COG6: variants seen among roughly 807,000 people sequenced by gnomAD.
COG6 encodes component of oligomeric golgi complex 6, also known as conserved oligomeric Golgi complex subunit 6.
Under a neutral mutation model 88.8 loss-of-function variants are expected in COG6, and 74 were observed. That is an observed-to-expected ratio of 0.83 (90% CI 0.69 to 1.01). The LOEUF is 1.01. Among genes scored for constraint, COG6 ranks in the 50% least tolerant of loss-of-function variants. COG6 has a pLI of 0.00. For missense variants in COG6, 800 were observed against 797.9 expected, an observed-to-expected ratio of 1.00 and a Z score of -0.03; for synonymous variants, 286 against 278.7, an observed-to-expected ratio of 1.03 and a Z score of -0.26.
intron 13 of COG6, among the ~76,000 whole-genome samples, chr13:39,715,472 C>T (rs1878479315): frequency 1.3e-5 from 2 of 151,944 alleles, no homozygotes; most frequent in Non-Finnish European, 2.9e-5. Flanking sequence ...GGAACTGACA[C>T]ATAACGTGTT....
rs528893827 is a variant in COG6, at chr13:39,671,015, A to G, written c.428+5861A>G. Among the ~76,000 whole-genome samples, 4 of 152,124 alleles carry G rather than the reference A, an allele frequency of 2.6e-5. No homozygotes were observed. The South Asian group carries it at 6.2e-4, about 24-fold the overall frequency. ...AAAGGTTAGGGGAAAACAGGGGAGC[A>G]TCACATCTCCTTTCTTCTTTCTTCT... On this transcript the variant is annotated intron_variant, in intron 4 of 18. Coordinates refer to ENST00000455146, the MANE Select transcript of COG6 (RefSeq NM_020751.3).
chr13:39,722,528 A>G (rs891230403), intron 15 of COG6, among the ~76,000 whole-genome samples: 3 of 150,940 alleles, frequency 2.0e-5, no homozygotes, highest in Non-Finnish European at 4.4e-5. Context: ...ACAGTGTACT[A>G]TGTCATTAGC....
At chr13:39,748,086 T>TA (rs1429507510) in intron 18 of COG6, among the ~76,000 whole-genome samples, 3 of 152,342 alleles carry the variant, frequency 2.0e-5, no homozygotes, top group African/African-American at 4.8e-5. Flanking sequence ...ATGAATGCTT[T>TA]ACACACTTCT....
chr13:39,779,560 G>C (rs927460457), intron 18 of COG6, among the ~76,000 whole-genome samples: 4 of 152,188 alleles, frequency 2.6e-5, no homozygotes, highest in African/African-American at 4.8e-5. Context: ...TGACTTCTCA[G>C]GTTCAACATC....
intron 4 of COG6, 52 bp from the exon 5 acceptor site, chr13:39,677,416 T>C: frequency 1.0e-6 from 1 of 977,188 alleles, no homozygotes; most frequent in Non-Finnish European, 1.7e-6. Flanking sequence ...GTTTTAAAGC[T>C]ATGCAACTGT....
intron 11 of COG6, among the ~76,000 whole-genome samples, chr13:39,690,032 A>G (rs1275982216): frequency 2.0e-5 from 3 of 151,926 alleles, no homozygotes; most frequent in African/African-American, 7.2e-5. Flanking sequence ...TGTAGTTTGC[A>G]TATATTGACC....
At chr13:39,776,139 A>T (rs950752813) in intron 18 of COG6, among the ~76,000 whole-genome samples, 1 of 152,216 alleles carries the variant, frequency 6.6e-6, no homozygotes, top group Non-Finnish European at 1.5e-5. Flanking sequence ...TTAAAAGATA[A>T]AGAAAACAAC....
chr13:39,685,557 C>T (rs757740616), intron 8 of COG6, among the ~76,000 whole-genome samples: 10 of 152,056 alleles, frequency 6.6e-5, no homozygotes, highest in Non-Finnish European at 1.2e-4. Flanking sequence ...GTGGACAGTC[C>T]TAGAAACAAA....
intron 18 of COG6, among the ~76,000 whole-genome samples, chr13:39,778,286 G>A (rs185956244): frequency 6.6e-5 from 10 of 152,312 alleles, no homozygotes; most frequent in African/African-American, 2.2e-4. Flanking sequence ...GAAGTAATGT[G>A]TAATGGAAAG....
intron 18 of COG6, among the ~76,000 whole-genome samples, chr13:39,741,177 G>C (rs779495868): frequency 6.6e-6 from 1 of 151,968 alleles, no homozygotes; most frequent in Non-Finnish European, 1.5e-5. Context: ...TCTCCATTTA[G>C]TTACATATCT....
chr13:39,663,277 A>G (rs576640961), intron 3 of COG6, among the ~76,000 whole-genome samples: 1 of 152,276 alleles, frequency 6.6e-6, no homozygotes, highest in South Asian at 2.1e-4. Flanking sequence ...CTTATTATAT[A>G]ACATTGTGCT....
downstream of COG6, among the ~76,000 whole-genome samples, chr13:39,754,808 G>A (rs1380465438): frequency 6.6e-6 from 1 of 152,116 alleles, no homozygotes; most frequent in Non-Finnish European, 1.5e-5. Context: ...TACATGTATT[G>A]TAAATAAACA....
At chr13:39,759,678 A>G (rs1315050297) in intron 18 of COG6, among the ~76,000 whole-genome samples, 4 of 152,178 alleles carry the variant, frequency 2.6e-5, no homozygotes, top group Non-Finnish European at 5.9e-5. Context: ...GCAGGTCCAA[A>G]TATGAAATTT....
At chr13:39,681,571 G>A (rs2137991568) in intron 7 of COG6, among the ~76,000 whole-genome samples, 1 of 152,310 alleles carries the variant, frequency 6.6e-6, no homozygotes, top group South Asian at 2.1e-4. Context: ...TATACTGCTA[G>A]TGTGAAGTCC....
intron 11 of COG6, among the ~76,000 whole-genome samples, chr13:39,694,074 A>T (rs1388597458): frequency 6.6e-6 from 1 of 151,810 alleles, no homozygotes; most frequent in African/African-American, 2.4e-5. Context: ...TATTTCCTAA[A>T]TCTTGAGGCA....
intron 18 of COG6, among the ~76,000 whole-genome samples, chr13:39,759,218 T>C (rs536165167): frequency 6.6e-6 from 1 of 152,340 alleles, no homozygotes; most frequent in East Asian, 1.9e-4. Flanking sequence ...TTTTATGTTA[T>C]ATGAATTTTT....
chr13:39,684,406 C>T (rs917131224), intron 8 of COG6, among the ~76,000 whole-genome samples: 1 of 150,828 alleles, frequency 6.6e-6, no homozygotes, highest in Non-Finnish European at 1.5e-5. Flanking sequence ...CCCGCCACCT[C>T]GCCCGGCTAA....
chr13:39,734,855 CTTGT>C (rs1374913250), intron 18 of COG6, among the ~76,000 whole-genome samples: 3 of 152,034 alleles, frequency 2.0e-5, no homozygotes, highest in African/African-American at 4.8e-5. Context: ...ATATACTGAA[CTTGT>C]TTGTCTCTTT....
chr13:39,675,535 A>T (rs1056179555), intron 4 of COG6, among the ~76,000 whole-genome samples: 6 of 152,180 alleles, frequency 3.9e-5, no homozygotes, highest in African/African-American at 1.4e-4. Context: ...TGTGCCCATT[A>T]TAAAAATATT....
Sources: gnomAD v4.1 joint callset for allele counts (sites outside exome capture counted in the v4.1 genomes callset) on GRCh38, gnomAD v4.1.1 for gene constraint, MANE v1.5 for transcripts, NCBI Gene and HGNC (gene_info 2026-07-23, HGNC 2026-07-21) for gene names.